The following CSRP1 variants were observed in gnomAD, a reference collection of about 807,000 sequenced individuals.
CSRP1 encodes cysteine and glycine rich protein 1, also known as cysteine and glycine-rich protein 1.
CSRP1 carries 16 observed loss-of-function variants against 25.4 expected under a neutral mutation model. The observed-to-expected ratio is 0.63, with a 90% CI of 0.43 to 0.96. CSRP1 has a LOEUF of 0.96. Among genes scored for constraint, CSRP1 ranks in the 40% least tolerant of loss-of-function variants. The pLI is 0.00. For missense variants in CSRP1, 212 were observed against 243.6 expected (o/e 0.87, Z 0.86); for synonymous variants, 97 against 95.3 (o/e 1.02, Z -0.10).
Position 201,484,519 on chromosome 1 carries a change from C to T in CSRP1, c.*194G>A, listed in dbSNP as rs1664069870. 6.6e-6 allele frequency: 4 copies of T among 606,148 alleles called. No homozygotes were observed. Among genetic ancestry groups the T allele is most frequent in the Middle Eastern group, 4.3e-4 (1 of 2,350 alleles). The allele number at this position is 606,148 out of a possible 1,614,324, so 37.5% of individuals were successfully genotyped here. Reference sequence around the variant, plus strand: ...CTGGTGATGGTGTCAGATCCCAGGCCTGGGGAGCCCTTTAGTGGGGTGGGA... The same window carrying T: ...CTGGTGATGGTGTCAGATCCCAGGCTTGGGGAGCCCTTTAGTGGGGTGGGA... On this transcript the variant is annotated 3_prime_UTR_variant, in exon 6 of 6. Transcript: ENST00000340006.
chr1:201,486,012 A>G (rs1177355957), intron 4 of CSRP1: 2 of 152,274 alleles, frequency 1.3e-5, no homozygotes, highest in East Asian at 3.9e-4. Flanking sequence ...GAAGTCAGTT[A>G]GTGTTCACAG....
intron 1 of CSRP1, among the ~76,000 whole-genome samples, chr1:201,505,555 C>G (rs1030896076): frequency 2.0e-5 from 3 of 152,164 alleles, no homozygotes; most frequent in Non-Finnish European, 4.4e-5. Flanking sequence ...GCCTTGCAGA[C>G]AGTTCTCTCC....
chr1:201,487,723 C>T (rs2102403959), intron 4 of CSRP1: 1 of 152,332 alleles, frequency 6.6e-6, no homozygotes, highest in African/African-American at 2.4e-5. Context: ...AGAGCAAGGG[C>T]TTCGGAGTCA....
chr1:201,497,775 G>C lies in CSRP1; in HGVS notation c.-1-1471C>G, dbSNP rs554973402. ...GCCTGTAATCCCAGCACTTTGGGAG[G>C]CTGAGGTGGGCAGATCACGAGGTCG... On this transcript the variant is annotated intron_variant, in intron 1 of 5. Transcript: ENST00000340006. 2.8e-4 allele frequency among the ~76,000 whole-genome samples: 43 copies of C among 152,258 alleles called. 1 individual carries two copies. The South Asian group carries it at 8.7e-3, about 31-fold the overall frequency.
chr1:201,498,996 C>T (rs974948495), intron 1 of CSRP1, among the ~76,000 whole-genome samples: 1 of 152,184 alleles, frequency 6.6e-6, no homozygotes, highest in Non-Finnish European at 1.5e-5. Context: ...TGACATGCCC[C>T]GCAGGAATTT....
chr1:201,496,370 G>A (rs929041989), intron 1 of CSRP1, 66 bp from the exon 2 acceptor site: 37 of 1,300,580 alleles, frequency 2.8e-5, no homozygotes, highest in Middle Eastern at 3.6e-4. Context: ...GATTGTCCAC[G>A]ACAGAAATGC....
intron 2 of CSRP1, among the ~76,000 whole-genome samples, chr1:201,494,026 G>A (rs1000191763): frequency 1.3e-5 from 2 of 152,038 alleles, no homozygotes; most frequent in African/African-American, 4.8e-5. Flanking sequence ...AGCTGCACTG[G>A]CCCTGAGACC....
At chr1:201,499,704 C>T (rs941898767) in intron 1 of CSRP1, among the ~76,000 whole-genome samples, 3 of 152,224 alleles carry the variant, frequency 2.0e-5, no homozygotes, top group African/African-American at 7.2e-5. Flanking sequence ...CAACCTCCAT[C>T]TCCTGAGTTC....
At chr1:201,486,676 C>T (rs1664154918) in intron 4 of CSRP1, 1 of 1,043,690 alleles carries the variant, frequency 9.6e-7, no homozygotes, top group Non-Finnish European at 1.2e-6. Context: ...TTCCTAGCCA[C>T]CTCCCTGCCA....
intron 5 of CSRP1, 113 bp downstream of exon 5, chr1:201,485,170 C>T: frequency 3.3e-6 from 3 of 912,076 alleles, no homozygotes; most frequent in Middle Eastern, 2.2e-4. Context: ...ACTAGATGTT[C>T]AGATCTTGGA....
At chr1:201,494,986 T>C (rs189490718) in intron 2 of CSRP1, among the ~76,000 whole-genome samples, 1 of 152,356 alleles carries the variant, frequency 6.6e-6, no homozygotes, top group Admixed American at 6.5e-5. Context: ...TCCGTAATAA[T>C]GAGAAAACTC....
chr1:201,496,603 A>C, intron 1 of CSRP1: 1 of 416,896 alleles, frequency 2.4e-6, no homozygotes, highest in East Asian at 4.8e-5. Flanking sequence ...AGGCTTTATA[A>C]AGAAGGCTCC....
chr1:201,485,490 T>C, intron 4 of CSRP1, 114 bp from the exon 5 acceptor site: 1 of 899,614 alleles, frequency 1.1e-6, no homozygotes, highest in Non-Finnish European at 1.8e-6. Context: ...ACTTCTGAAG[T>C]CTACTCAGCT....
In CSRP1 at chr1:201,503,653, T is replaced by C. The variant is rs536754918; in HGVS notation, c.-2+3417A>G. Among the ~76,000 whole-genome samples the C allele has an allele frequency of 1.9e-3, 282 of 152,304 alleles. 2 individuals carry two copies. Among genetic ancestry groups the C allele is most frequent in the Middle Eastern group, 3.4e-3 (1 of 294 alleles). Reference sequence around the variant, plus strand: ...CCGTATTTACACACTTTACCATACATGGGAATTACTCAGTGCTGGCGTCAG... The same window carrying C: ...CCGTATTTACACACTTTACCATACACGGGAATTACTCAGTGCTGGCGTCAG... On this transcript the variant is annotated intron_variant, in intron 1 of 5. Coordinates refer to ENST00000340006, the MANE Select transcript of CSRP1 (RefSeq NM_004078.3).
chr1:201,497,051 T>A (rs1202125593), intron 1 of CSRP1, among the ~76,000 whole-genome samples: 2 of 152,152 alleles, frequency 1.3e-5, no homozygotes, highest in Non-Finnish European at 2.9e-5. Context: ...TTTGTTTTGT[T>A]TTGTTTTTTA....
At chr1:201,490,830 C>T (rs927900) in intron 2 of CSRP1, 69,022 of 152,856 alleles carry the variant, frequency 0.45, 19,442 homozygotes, top group Non-Finnish European at 0.65. Flanking sequence ...AGGGAGCCAA[C>T]GGGGGGAGAT....
Position 201,484,806 on chromosome 1 carries a change from G to C in CSRP1, c.506-17C>G, listed in dbSNP as rs1325741497. The stretch of plus-strand genomic sequence containing the variant: ...CATAACATCCTGCAGAGAGAGGAGA[G>C]AGATAAGGGCATGTTCTTCCTCCAC... On this transcript the variant is annotated splice_polypyrimidine_tract_variant and intron_variant, in intron 5 of 5. Transcript: ENST00000340006. 1.2e-6 allele frequency: 2 copies of C among 1,607,050 alleles called. No homozygotes were observed. The highest frequency in any genetic ancestry group is 1.1e-5 in the South Asian group (1 of 89,366).
At chr1:201,501,428 C>T (rs1249948088) in intron 1 of CSRP1, among the ~76,000 whole-genome samples, 1 of 152,216 alleles carries the variant, frequency 6.6e-6, no homozygotes, top group African/African-American at 2.4e-5. Flanking sequence ...TGTTGACCAT[C>T]TCAACAGAGA....
At chr1:201,489,907 T>C (rs1172712062) in intron 3 of CSRP1, 2 of 362,544 alleles carry the variant, frequency 5.5e-6, no homozygotes, top group African/African-American at 2.1e-5. Flanking sequence ...GACTAAGTGA[T>C]TCTTGGGGCC....
Sources: allele counts gnomAD v4.1 joint callset (sites outside exome capture counted in the v4.1 genomes callset), GRCh38; gene constraint gnomAD v4.1.1; transcripts MANE v1.5; gene names NCBI Gene and HGNC (gene_info 2026-07-23, HGNC 2026-07-21).